Variants in FOXK2 observed in about 807,000 individuals in gnomAD.
FOXK2 encodes the protein forkhead box K2.
Under a neutral mutation model 53.3 loss-of-function variants are expected in FOXK2, and 24 were observed. The observed-to-expected ratio is 0.45, with a 90% CI of 0.33 to 0.63. The LOEUF is 0.63. FOXK2 is among the 30% of genes least tolerant of loss of function. The pLI is 0.03. For missense variants in FOXK2, 952 were observed against 910.5 expected (o/e 1.05, Z -0.59); for synonymous variants, 505 against 407.1 (o/e 1.24, Z -2.89).
intron 8 of FOXK2, chr17:82,600,927 T>A (rs960330701): frequency 5.8e-6 from 1 of 172,404 alleles, no homozygotes; most frequent in South Asian, 1.5e-4. Context: ...CAGGGCCATC[T>A]CCTGTCTGCC....
chr17:82,577,655 A>G (rs1243080932), intron 4 of FOXK2, among the ~76,000 whole-genome samples: 3 of 151,988 alleles, frequency 2.0e-5, no homozygotes, highest in Admixed American at 1.3e-4. Context: ...GAATTGAGAT[A>G]ATTGTTGTGA....
At position 82,527,493 on chromosome 17, in the gene FOXK2, G is replaced by A. The variant is rs187589259; in HGVS notation, c.419+7186G>A. Among the ~76,000 whole-genome samples the A allele has an allele frequency of 1.4e-4, 21 of 152,198 alleles. 1 individual carries two copies. The East Asian group carries it at 3.9e-3, about 28-fold the overall frequency. ...AAAATACAAAAATTAACTGGGCATG[G>A]TGGCGGATGCCTGTAATCCCAGCAA... On this transcript the variant is annotated intron_variant, in intron 1 of 8. Coordinates refer to ENST00000335255, the MANE Select transcript of FOXK2 (RefSeq NM_004514.4).
rs1406114540 is a variant in FOXK2, at chr17:82,601,460, G to A, written c.1944G>A (p.Thr648=). Residue 648 remains threonine (T), a synonymous_variant, in exon 9 of 9, where the codon ACG becomes ACA. Coordinates refer to ENST00000335255, the MANE Select transcript of FOXK2 (RefSeq NM_004514.4). ...TCGTCATTGCCCTGAGCGTGGACAC[G>A]CCACCGGCAGCCGTAAGGGAAAAGG... ...EGIVIALSVD[T]PPAAVREKGV... 9 of 1,611,232 alleles carry A rather than the reference G, an allele frequency of 5.6e-6. No homozygotes were observed. Among genetic ancestry groups the A allele is most frequent in the East Asian group, 4.5e-5 (2 of 44,840 alleles).
At chr17:82,554,673 C>T (rs2044706185) in intron 1 of FOXK2, among the ~76,000 whole-genome samples, 2 of 152,146 alleles carry the variant, frequency 1.3e-5, no homozygotes, top group Admixed American at 6.6e-5. Flanking sequence ...TCAGACGTCT[C>T]AGGCTTGTAA....
intron 4 of FOXK2, among the ~76,000 whole-genome samples, chr17:82,581,362 C>T (rs1469267501): frequency 1.3e-5 from 2 of 152,026 alleles, no homozygotes; most frequent in Admixed American, 6.6e-5. Flanking sequence ...TGCAGTGGTG[C>T]GATCTGGGCT....
chr17:82,537,484 G>A (rs1438322245), intron 1 of FOXK2, among the ~76,000 whole-genome samples: 1 of 151,420 alleles, frequency 6.6e-6, no homozygotes, highest in African/African-American at 2.4e-5. Context: ...AACCGGGCAT[G>A]GTGGTGTGTG....
intron 3 of FOXK2, 62 bp from the exon 4 acceptor site, chr17:82,571,662 G>C (rs111635251): frequency 7.1e-7 from 1 of 1,409,950 alleles, no homozygotes; most frequent in African/African-American, 1.5e-5. Context: ...TTTAAATCTA[G>C]TAAATTTAAT....
Position 82,519,954 on chromosome 17 carries a change from C to T in FOXK2, c.66C>T (p.Gly22=), listed in dbSNP as rs1048660999. The change falls in exon 1 of 9, where the codon GGC becomes GGT. Residue 22 remains glycine, a synonymous_variant. Coordinates refer to ENST00000335255, the MANE Select transcript of FOXK2 (RefSeq NM_004514.4). ...GTPPAGGGAG[G]GGAGGGGSPP... is the part of the protein sequence containing the mutation. ...CACCCGCGGGCGGCGGGGCCGGGGG[C>T]GGCGGGGCCGGGGGCGGCGGGTCCC... 1 of 1,019,196 alleles carries T rather than the reference C, an allele frequency of 9.8e-7. No individual in the cohort carries two copies. Among genetic ancestry groups the T allele is most frequent in the Non-Finnish European group, 1.2e-6 (1 of 852,802 alleles). The allele number at this position is 1,019,196 out of a possible 1,614,324, so 63.1% of individuals were successfully genotyped here. A position where few individuals can be genotyped will look rare whatever the true frequency, so the allele number is the denominator to read the frequency against.
At chr17:82,530,288 C>T (rs62078093) in intron 1 of FOXK2, among the ~76,000 whole-genome samples, 5,909 of 151,786 alleles carry the variant, frequency 0.039, 126 homozygotes, top group Non-Finnish European at 0.044. Context: ...ATCGGGAGTT[C>T]GAGACCAGCC....
At position 82,601,687 on chromosome 17, in the gene FOXK2, A is replaced by T; in HGVS notation, c.*188A>T. 1.8e-6 allele frequency: 1 copy of T among 554,852 alleles called. No homozygotes were observed. The highest frequency in any genetic ancestry group is 2.7e-5 in the South Asian group (1 of 36,816). 34.4% of individuals were successfully genotyped at this position (554,852 alleles called of 1,614,324 possible). On this transcript the variant is annotated 3_prime_UTR_variant, in exon 9 of 9. Coordinates refer to ENST00000335255, the MANE Select transcript of FOXK2 (RefSeq NM_004514.4). ...TCACACTTGAACAAAACCCACACAC[A>T]ACAAAACCTGATTTGGGAGACGGTG...
At chr17:82,562,987 T>C (rs985591347) in intron 1 of FOXK2, among the ~76,000 whole-genome samples, 1 of 151,942 alleles carries the variant, frequency 6.6e-6, no homozygotes, top group African/African-American at 2.4e-5. Flanking sequence ...TTGTAGTCTT[T>C]GTAGAGGTGG....
intron 2 of FOXK2, among the ~76,000 whole-genome samples, chr17:82,566,699 CG>C (rs1164581785): frequency 6.6e-6 from 1 of 152,132 alleles, no homozygotes; most frequent in Non-Finnish European, 1.5e-5. Flanking sequence ...GAGGTTGGGT[CG>C]GCTCCCAACT....
Position 82,587,050 on chromosome 17 carries a change from C to G in FOXK2, c.1577-13C>G. On this transcript the variant is annotated splice_polypyrimidine_tract_variant and intron_variant, in intron 7 of 8. Coordinates refer to ENST00000335255, the MANE Select transcript of FOXK2 (RefSeq NM_004514.4). ...CAGTAATATTAATGTCGTTTCTTTT[C>G]CTTTAATTTCAGTGAAAGTAGAGCC... 2.6e-5 allele frequency: 39 copies of G among 1,511,240 alleles called. No individual in the cohort carries two copies. Among genetic ancestry groups the G allele is most frequent in the East Asian group, 7.5e-5 (3 of 39,932 alleles). The allele number at this position is 1,511,240 out of a possible 1,614,324, so 93.6% of individuals were successfully genotyped here.
At chr17:82,578,583 T>C (rs975730458) in intron 4 of FOXK2, 1 of 152,216 alleles carries the variant, frequency 6.6e-6, no homozygotes. Context: ...TTTATTCTAT[T>C]TGTGTCTACA....
At chr17:82,550,914 C>T (rs6650591) in intron 1 of FOXK2, among the ~76,000 whole-genome samples, 90,748 of 152,132 alleles carry the variant, frequency 0.6, 27,666 homozygotes, top group South Asian at 0.79. Flanking sequence ...CTGTGAAGCA[C>T]TGCGTGCAGT....
intron 8 of FOXK2, chr17:82,588,500 C>T (rs144665282): frequency 0.022 from 3,457 of 157,190 alleles, 62 homozygotes; most frequent in Non-Finnish European, 0.03. Context: ...GGAGGGCAGG[C>T]GGTTGGCTTT....
chr17:82,570,090 C>A (rs1437370719), intron 3 of FOXK2, among the ~76,000 whole-genome samples: 1 of 151,798 alleles, frequency 6.6e-6, no homozygotes, highest in African/African-American at 2.4e-5. Context: ...GGCGTGTTGG[C>A]AGGCGCCTGT....
chr17:82,542,436 G>A (rs2044584043), intron 1 of FOXK2, among the ~76,000 whole-genome samples: 1 of 152,104 alleles, frequency 6.6e-6, no homozygotes, highest in Non-Finnish European at 1.5e-5. Context: ...AAAGTGCTGG[G>A]ATTACAGACG....
At chr17:82,596,033 C>T in intron 8 of FOXK2, 1 of 1,130,620 alleles carries the variant, frequency 8.8e-7, no homozygotes, top group East Asian at 7.4e-5. Context: ...CGCGTCTGTG[C>T]ATCTCTGGCC....
Sources: allele counts gnomAD v4.1 joint callset (sites outside exome capture counted in the v4.1 genomes callset), GRCh38; gene constraint gnomAD v4.1.1; transcripts MANE v1.5; gene names NCBI Gene and HGNC (gene_info 2026-07-23, HGNC 2026-07-21).